PGM2: variants seen among roughly 807,000 people sequenced by gnomAD.
The protein encoded by PGM2 is phosphoglucomutase 2.
A neutral mutation model predicts 74.6 loss-of-function variants in PGM2; 57 were observed. The ratio of observed to expected loss-of-function variants is 0.76; its 90% confidence interval spans 0.62 to 0.95. PGM2 has a LOEUF of 0.95. PGM2 is among the 40% of genes least tolerant of loss of function. The pLI, the probability that PGM2 is intolerant of heterozygous loss-of-function variation, is 0.00. For missense variants in PGM2, 706 were observed against 741.9 expected (o/e 0.95, Z 0.56); for synonymous variants, 273 against 260.7 (o/e 1.05, Z -0.46).
chr4:37,829,008 T>A (rs1047023910), intron 1 of PGM2, among the ~76,000 whole-genome samples: 1 of 152,236 alleles, frequency 6.6e-6, no homozygotes, highest in African/African-American at 2.4e-5. Flanking sequence ...ATTTCAAAGT[T>A]TAATTAAATG....
intron 2 of PGM2, among the ~76,000 whole-genome samples, chr4:37,831,579 C>T (rs1344077149): frequency 2.0e-5 from 3 of 152,178 alleles, no homozygotes; most frequent in Non-Finnish European, 4.4e-5. Context: ...TGGCTATTGG[C>T]TGGGATCTTA....
intron 7 of PGM2, 113 bp from the exon 8 acceptor site, chr4:37,845,520 T>C (rs934028768): frequency 2.6e-5 from 18 of 703,228 alleles, no homozygotes; most frequent in Admixed American, 1.2e-4. Context: ...TCCTATATTA[T>C]CTTTCTAAGA....
Position 37,861,267 on chromosome 4 carries a change from C to T in PGM2, c.1737-243C>T, listed in dbSNP as rs191171445. On this transcript the variant is annotated intron_variant, in intron 13 of 13. Coordinates refer to ENST00000381967, the MANE Select transcript of PGM2 (RefSeq NM_018290.4). ...GTCTTATGAGAAGAGCAAAGGATAA[C>T]TTTGTTTATAGTTCAGACATTGGAA... 7.0e-4 allele frequency among the ~76,000 whole-genome samples: 107 copies of T among 152,236 alleles called. No individual in the cohort carries two copies. In the East Asian group the frequency reaches 0.012, roughly 17 times the overall value.
intron 12 of PGM2, among the ~76,000 whole-genome samples, chr4:37,851,040 A>G (rs958432089): frequency 2.0e-5 from 3 of 151,020 alleles, no homozygotes; most frequent in Admixed American, 6.6e-5. Context: ...CTGTGTGGTC[A>G]TTTCGCACCT....
rs2152176528 is a variant in PGM2, at chr4:37,839,879, C to G, written c.473C>G (p.Ala158Gly). The G allele has an allele frequency of 6.2e-7, 1 of 1,606,274 alleles. No homozygotes were observed. The highest frequency in any genetic ancestry group is 1.1e-5 in the South Asian group (1 of 90,946). Residue 158 changes from alanine (A) to glycine (G), a missense_variant, in exon 5 of 14, where the codon GCT becomes GGT. By Grantham distance (60) the Ala-to-Gly change is moderately conservative (BLOSUM62 0). This residue lies in a region of PGM2 where 332 missense variants were observed against 334.9 expected (regional missense o/e 0.99). Coordinates refer to ENST00000381967, the MANE Select transcript of PGM2 (RefSeq NM_018290.4). ...ACAGTATCACATTTGAAACTTTGTG[C>G]TGGAATCATGATAACTGCATCTCAC... is the stretch of plus-strand genomic sequence containing the variant. ...PFTVSHLKLC[A>G]GIMITASHNP...
chr4:37,837,733 G>C, intron 4 of PGM2, 120 bp downstream of exon 4: 1 of 727,124 alleles, frequency 1.4e-6, no homozygotes, highest in East Asian at 2.5e-5. Context: ...GAGTTCCTTG[G>C]CATGTATGAG....
chr4:37,853,727 G>A (rs1726113121), intron 12 of PGM2, among the ~76,000 whole-genome samples: 1 of 152,122 alleles, frequency 6.6e-6, no homozygotes, highest in South Asian at 2.1e-4. Flanking sequence ...AGATGCCAAG[G>A]CCCTGGAGGC....
chr4:37,836,643 G>T (rs1489187621), intron 3 of PGM2, among the ~76,000 whole-genome samples: 1 of 152,168 alleles, frequency 6.6e-6, no homozygotes, highest in South Asian at 2.1e-4. Context: ...GAGTAAGAAT[G>T]ATCTGATTGT....
chr4:37,851,487 T>TCA (rs10693162), intron 12 of PGM2, among the ~76,000 whole-genome samples: 80,760 of 151,960 alleles, frequency 0.53, 22,107 homozygotes, highest in Non-Finnish European at 0.61. Flanking sequence ...GCTTTCTATG[T>TCA]TGGGGTTGGG....
At chr4:37,858,457 C>T (rs1225496130) in intron 13 of PGM2, among the ~76,000 whole-genome samples, 1 of 151,598 alleles carries the variant, frequency 6.6e-6, no homozygotes, top group Non-Finnish European at 1.5e-5. Context: ...GTGCCTCAGC[C>T]TCCTGAGTAG....
chr4:37,861,645 C>A lies in PGM2; in HGVS notation c.*33C>A. 7.4e-7 allele frequency: 1 copy of A among 1,346,146 alleles called. No individual in the cohort carries two copies. Among genetic ancestry groups the A allele is most frequent in the South Asian group, 1.2e-5 (1 of 85,628 alleles). 83.4% of individuals were successfully genotyped at this position (1,346,146 alleles called of 1,614,324 possible). A position where few individuals can be genotyped will look rare whatever the true frequency, so the allele number is the denominator to read the frequency against. ...CAGCCTTGGGTATACTTGCATTTAC[C>A]TACAATTAAGCTGGGTTTAACTTGT... On this transcript the variant is annotated 3_prime_UTR_variant, in exon 14 of 14. Transcript: ENST00000381967.
rs990853232 is a variant in PGM2 at position 37,862,752 on chromosome 4, A to G, written c.*1140A>G. 2 of 152,088 alleles carry G rather than the reference A, an allele frequency of 1.3e-5. No homozygotes were observed. Among genetic ancestry groups the G allele is most frequent in the Non-Finnish European group, 2.9e-5 (2 of 68,024 alleles). 9.4% of individuals were successfully genotyped at this position (152,088 alleles called of 1,614,324 possible). A position where few individuals can be genotyped will look rare whatever the true frequency, so the allele number is the denominator to read the frequency against. On this transcript the variant is annotated 3_prime_UTR_variant, in exon 14 of 14. Coordinates refer to ENST00000381967, the MANE Select transcript of PGM2 (RefSeq NM_018290.4). ...CAGAACAATGAAAAATTACAATACT[A>G]TGTGATAGTATTGTAACTATTTTTC...
At chr4:37,846,333 T>G (rs1577678870) in intron 8 of PGM2, among the ~76,000 whole-genome samples, 2 of 152,038 alleles carry the variant, frequency 1.3e-5, no homozygotes, top group Non-Finnish European at 2.9e-5. Context: ...AATGGTAGGG[T>G]TTTCAGATTG....
chr4:37,837,745 C>A, intron 4 of PGM2, 132 bp downstream of exon 4: 1 of 678,856 alleles, frequency 1.5e-6, no homozygotes, highest in East Asian at 2.5e-5. Context: ...ATGTATGAGA[C>A]ATTTCCTTCT....
chr4:37,860,776 A>C (rs1711744592), intron 13 of PGM2, among the ~76,000 whole-genome samples: 2 of 152,142 alleles, frequency 1.3e-5, no homozygotes, highest in South Asian at 2.1e-4. Context: ...AACCTCTTTA[A>C]CTGCAAGTCA....
At chr4:37,831,883 G>A (rs1725451157) in intron 2 of PGM2, among the ~76,000 whole-genome samples, 1 of 152,178 alleles carries the variant, frequency 6.6e-6, no homozygotes, top group African/African-American at 2.4e-5. Flanking sequence ...TTATATTACT[G>A]GGGCCATCTT....
At chr4:37,859,039 A>G (rs1289570017) in intron 13 of PGM2, among the ~76,000 whole-genome samples, 1 of 152,216 alleles carries the variant, frequency 6.6e-6, no homozygotes, top group African/African-American at 2.4e-5. Flanking sequence ...CATATGTATA[A>G]AGGAATGGGC....
intron 6 of PGM2, among the ~76,000 whole-genome samples, chr4:37,842,568 TAA>T: frequency 6.6e-6 from 1 of 151,350 alleles, no homozygotes. Flanking sequence ...CTTTTTTGAC[TAA>T]TTGGAAAGGT....
intron 13 of PGM2, among the ~76,000 whole-genome samples, chr4:37,857,395 C>G (rs747621313): frequency 1.1e-4 from 17 of 152,010 alleles, no homozygotes; most frequent in South Asian, 4.1e-4. Flanking sequence ...AATTGCCAAG[C>G]TAGTAGCAGA....
Sources: allele counts gnomAD v4.1 joint callset (sites outside exome capture counted in the v4.1 genomes callset), GRCh38; gene constraint gnomAD v4.1.1; regional missense constraint gnomAD v4.1.1; transcripts MANE v1.5; gene names NCBI Gene and HGNC (gene_info 2026-07-23, HGNC 2026-07-21).